LAMA2: variants seen among roughly 807,000 people sequenced by gnomAD.
LAMA2 encodes laminin subunit alpha-2.
A neutral mutation model predicts 364.8 loss-of-function variants in LAMA2; 269 were observed. The observed-to-expected ratio is 0.74, with a 90% CI of 0.67 to 0.82. The LOEUF (loss-of-function observed/expected upper bound fraction) is 0.82. LAMA2 is among the 40% of genes least tolerant of loss of function. LAMA2 has a pLI of 0.00. For synonymous variants in LAMA2, 1,379 were observed against 1,370.6 expected (o/e 1.01, Z -0.14); for missense variants, 3,807 against 3,873.2 (o/e 0.98, Z 0.45).
intron 30 of LAMA2, among the ~76,000 whole-genome samples, chr6:129,344,879 T>A (rs966950907): frequency 6.6e-6 from 1 of 152,162 alleles, no homozygotes; most frequent in Non-Finnish European, 1.5e-5. Context: ...CTGAAGCACA[T>A]AGAAGCCAAT....
intron 29 of LAMA2, among the ~76,000 whole-genome samples, chr6:129,332,883 A>ATTTTT (rs10590805): frequency 9.6e-6 from 1 of 104,388 alleles, no homozygotes; most frequent in South Asian, 3.0e-4. Flanking sequence ...TAAGTTTACC[A>ATTTTT]TTTTTTTTTT....
At chr6:129,134,237 A>T (rs1399778895) in intron 4 of LAMA2, among the ~76,000 whole-genome samples, 1 of 152,220 alleles carries the variant, frequency 6.6e-6, no homozygotes, top group East Asian at 1.9e-4. Flanking sequence ...ATTAAGGGAG[A>T]TCATGTTATT....
intron 1 of LAMA2, among the ~76,000 whole-genome samples, chr6:129,013,392 G>A (rs979713483): frequency 1.4e-4 from 21 of 152,156 alleles, no homozygotes; most frequent in African/African-American, 5.1e-4. Flanking sequence ...AGCCGAGATC[G>A]CGCCACTGCA....
chr6:129,412,130 A>C (rs1780568464), intron 40 of LAMA2, among the ~76,000 whole-genome samples: 1 of 152,352 alleles, frequency 6.6e-6, no homozygotes, highest in African/African-American at 2.4e-5. Context: ...TTGGAAGTGT[A>C]TATATACACA....
intron 12 of LAMA2, among the ~76,000 whole-genome samples, chr6:129,232,747 GT>G (rs1279445417): frequency 6.6e-6 from 1 of 152,056 alleles, no homozygotes; most frequent in Non-Finnish European, 1.5e-5. Context: ...ATGTGACTAA[GT>G]TTAAGAACCT....
rs527685209 is a variant in LAMA2, at chr6:129,313,157, G to A, written c.3411+60G>A. On this transcript the variant is annotated intron_variant, in intron 23 of 64. Coordinates refer to ENST00000421865, the MANE Select transcript of LAMA2 (RefSeq NM_000426.4). ...CCCTCAATTCTGTTTCCATTGCTCA[G>A]TTTTAACTTCATTCAGTGTTTGTTA... The A allele has an allele frequency of 2.4e-5, 25 of 1,031,202 alleles. No individual in the cohort carries two copies. In the South Asian group the frequency reaches 3.5e-4, roughly 14 times the overall value. 63.9% of individuals were successfully genotyped at this position (1,031,202 alleles called of 1,614,324 possible).
In LAMA2 at chr6:129,440,812, A is replaced by G. The variant is rs775432306; in HGVS notation, c.6086-4A>G. The G allele has an allele frequency of 1.9e-6, 3 of 1,613,612 alleles. No individual in the cohort carries two copies. Among genetic ancestry groups the G allele is most frequent in the Non-Finnish European group, 2.5e-6 (3 of 1,179,640 alleles). On this transcript the variant is annotated splice_polypyrimidine_tract_variant and splice_region_variant and intron_variant, in intron 42 of 64. Coordinates refer to ENST00000421865, the MANE Select transcript of LAMA2 (RefSeq NM_000426.4). ...TTGTTTTTCATACCCTCATCTGCTGACAGATACAGCTGCTAAACTGCAAGC... is the reference window on the plus strand; with the variant it reads ...TTGTTTTTCATACCCTCATCTGCTGGCAGATACAGCTGCTAAACTGCAAGC...
At chr6:129,393,377 A>G in intron 37 of LAMA2, 122 bp downstream of exon 37, 1 of 767,334 alleles carries the variant, frequency 1.3e-6, no homozygotes, top group Non-Finnish European at 2.2e-6. Flanking sequence ...GACAACTCTG[A>G]AAGGGGGCTT....
chr6:129,115,369 T>C (rs574887007), intron 4 of LAMA2, among the ~76,000 whole-genome samples: 41 of 152,234 alleles, frequency 2.7e-4, no homozygotes, highest in African/African-American at 9.4e-4. Flanking sequence ...GCCTCGGGTA[T>C]TCTGGATTAT....
intron 1 of LAMA2, among the ~76,000 whole-genome samples, chr6:128,938,950 A>G (rs1227526143): frequency 1.3e-5 from 2 of 152,214 alleles, no homozygotes; most frequent in East Asian, 3.9e-4. Context: ...CTTCAGGGAC[A>G]AAATTTCAAT....
At chr6:129,005,542 A>G (rs1026382202) in intron 1 of LAMA2, among the ~76,000 whole-genome samples, 4 of 151,898 alleles carry the variant, frequency 2.6e-5, no homozygotes, top group Non-Finnish European at 5.9e-5. Context: ...ATTACTTTCA[A>G]GTATCTTCTT....
At chr6:129,066,799 A>G (rs374521057) in intron 3 of LAMA2, among the ~76,000 whole-genome samples, 1 of 152,228 alleles carries the variant, frequency 6.6e-6, no homozygotes. Flanking sequence ...ATTTTTGACA[A>G]AGATGCCAAG....
chr6:128,977,201 T>TC (rs201965833), intron 1 of LAMA2, among the ~76,000 whole-genome samples: 1,597 of 151,768 alleles, frequency 0.011, 28 homozygotes, highest in African/African-American at 0.037. Context: ...CCTTCGTTCC[T>TC]CCCCCTCTCT....
At chr6:129,116,699 CATTT>C (rs921996078) in intron 4 of LAMA2, among the ~76,000 whole-genome samples, 19 of 152,066 alleles carry the variant, frequency 1.2e-4, no homozygotes, top group African/African-American at 3.9e-4. Context: ...GCATTTTATA[CATTT>C]ATTTATTCTG....
At chr6:129,033,554 C>T (rs907878039) in intron 1 of LAMA2, among the ~76,000 whole-genome samples, 1 of 152,116 alleles carries the variant, frequency 6.6e-6, no homozygotes, top group African/African-American at 2.4e-5. Flanking sequence ...TAACTGCAGA[C>T]AAAGCCCTAA....
intron 1 of LAMA2, among the ~76,000 whole-genome samples, chr6:129,029,507 T>C (rs1243115957): frequency 1.3e-5 from 2 of 151,992 alleles, no homozygotes; most frequent in Admixed American, 6.6e-5. Context: ...ATAGTCAGAT[T>C]GATTCTCAAA....
At position 129,093,784 on chromosome 6, in the gene LAMA2, A is replaced by G. The variant is rs368601017; in HGVS notation, c.397-4389A>G. On this transcript the variant is annotated intron_variant, in intron 3 of 64. Transcript: ENST00000421865. Reference sequence around the variant, plus strand: ...TGTTATGTAAATTGTCAAACACTTGATATTGTTTTTAAAGTTATTTGGGAT... The same window carrying G: ...TGTTATGTAAATTGTCAAACACTTGGTATTGTTTTTAAAGTTATTTGGGAT... Among the ~76,000 whole-genome samples the G allele has an allele frequency of 1.9e-3, 296 of 152,318 alleles. 1 individual carries two copies. Among genetic ancestry groups the G allele is most frequent in the African/African-American group, 6.8e-3 (284 of 41,572 alleles).
chr6:129,388,866 A>G (rs1305292990), intron 35 of LAMA2, among the ~76,000 whole-genome samples: 2 of 152,200 alleles, frequency 1.3e-5, no homozygotes, highest in Admixed American at 6.5e-5. Flanking sequence ...CACTCAGACT[A>G]AAGGATGAGA....
At chr6:128,996,418 A>G (rs1293897152) in intron 1 of LAMA2, among the ~76,000 whole-genome samples, 4 of 152,194 alleles carry the variant, frequency 2.6e-5, no homozygotes, top group African/African-American at 9.7e-5. Flanking sequence ...TACAAGGAAC[A>G]TAAACAAATT....
Sources: allele counts gnomAD v4.1 joint callset (sites outside exome capture counted in the v4.1 genomes callset), GRCh38; gene constraint gnomAD v4.1.1; transcripts MANE v1.5; gene names NCBI Gene and HGNC (gene_info 2026-07-23, HGNC 2026-07-21).